Variants in MAD1L1 observed in about 807,000 individuals in gnomAD.
The protein encoded by MAD1L1 is mitotic spindle assembly checkpoint protein MAD1.
MAD1L1 carries 95 observed loss-of-function variants against 96.9 expected under a neutral mutation model. That is an observed-to-expected ratio of 0.98 (90% CI 0.83 to 1.16). MAD1L1 has a LOEUF of 1.16. MAD1L1 is among the 50% of genes most tolerant of loss of function. The pLI is 0.00. For missense variants in MAD1L1, 1,007 were observed against 954.4 expected, an observed-to-expected ratio of 1.06 and a Z score of -0.73; for synonymous variants, 473 against 396.6, an observed-to-expected ratio of 1.19 and a Z score of -2.29.
intron 10 of MAD1L1, among the ~76,000 whole-genome samples, chr7:2,186,454 GT>G (rs1196633916): frequency 2.3e-4 from 35 of 152,336 alleles, no homozygotes; most frequent in African/African-American, 8.2e-4. Flanking sequence ...CATTTGTTAT[GT>G]ACGTAAGACG....
chr7:1,939,084 GGC>G (rs1472549016), intron 16 of MAD1L1, among the ~76,000 whole-genome samples: 1 of 116,202 alleles, frequency 8.6e-6, no homozygotes, highest in Non-Finnish European at 1.7e-5. Flanking sequence ...CGGGACCAGA[GGC>G]GCGCACACAC....
chr7:1,987,425 G>A (rs1781202327), intron 14 of MAD1L1, among the ~76,000 whole-genome samples: 1 of 152,224 alleles, frequency 6.6e-6, no homozygotes, highest in Non-Finnish European at 1.5e-5. Context: ...GAACGGGGAG[G>A]TACTGGGGCG....
At chr7:1,954,994 G>A (rs962674181) in intron 16 of MAD1L1, among the ~76,000 whole-genome samples, 1 of 152,178 alleles carries the variant, frequency 6.6e-6, no homozygotes, top group African/African-American at 2.4e-5. Context: ...GCCCAGTGAC[G>A]GCCCTCCCAG....
Position 2,094,762 on chromosome 7 carries a change from TCCAA to T in MAD1L1, c.1074-25428_1074-25425del, listed in dbSNP as rs576291647. Reference sequence around the variant, plus strand: ...GTGCAAAGCAGCAAGGGGGAAGGACTCCAACCAACGAAACCACATGACCCATCTA... The same window carrying T: ...GTGCAAAGCAGCAAGGGGGAAGGACTCCAACGAAACCACATGACCCATCTA... On this transcript the variant is annotated intron_variant, in intron 11 of 18. Coordinates refer to ENST00000265854, the MANE Select transcript of MAD1L1 (RefSeq NM_001013836.2). 1.2e-3 allele frequency among the ~76,000 whole-genome samples: 171 copies of T among 145,564 alleles called. 1 individual carries two copies. The highest frequency in any genetic ancestry group is 4.4e-3 in the African/African-American group (164 of 37,354).
intron 10 of MAD1L1, among the ~76,000 whole-genome samples, chr7:2,156,216 G>A (rs1461659955): frequency 6.7e-6 from 1 of 150,322 alleles, no homozygotes; most frequent in Non-Finnish European, 1.5e-5. Flanking sequence ...ACGGTTTCAC[G>A]GCGCGTGTGG....
intron 11 of MAD1L1, among the ~76,000 whole-genome samples, chr7:2,109,882 T>C (rs1450528816): frequency 1.3e-5 from 2 of 152,258 alleles, no homozygotes; most frequent in Admixed American, 6.5e-5. Flanking sequence ...GTTTGGGTAC[T>C]TTCTGAACAC....
intron 11 of MAD1L1, among the ~76,000 whole-genome samples, chr7:2,090,421 C>T (rs1239583436): frequency 6.6e-6 from 1 of 152,176 alleles, no homozygotes; most frequent in African/African-American, 2.4e-5. Context: ...ACTAGGTGTA[C>T]AGAAAAGTTG....
intron 18 of MAD1L1, among the ~76,000 whole-genome samples, chr7:1,859,135 G>T (rs185418399): frequency 6.6e-6 from 1 of 152,096 alleles, no homozygotes; most frequent in Non-Finnish European, 1.5e-5. Context: ...CCCACACGCA[G>T]GAGGGCCAGA....
chr7:1,902,228 T>C (rs1438862523), intron 17 of MAD1L1, among the ~76,000 whole-genome samples: 1 of 152,124 alleles, frequency 6.6e-6, no homozygotes, highest in Non-Finnish European at 1.5e-5. Flanking sequence ...TAAAAATAAA[T>C]TGTGCTCCAT....
chr7:1,866,075 G>T (rs1242217152), intron 18 of MAD1L1, among the ~76,000 whole-genome samples: 3 of 152,246 alleles, frequency 2.0e-5, no homozygotes, highest in Non-Finnish European at 4.4e-5. Context: ...GTCCATGTCA[G>T]AGACCACGAG....
chr7:2,018,092 C>T (rs1782623654), intron 12 of MAD1L1, among the ~76,000 whole-genome samples: 1 of 152,300 alleles, frequency 6.6e-6, no homozygotes, highest in South Asian at 2.1e-4. Context: ...TGGGCAGAGA[C>T]CGGCCCCGTG....
chr7:1,902,064 G>A (rs1787279646), intron 17 of MAD1L1, among the ~76,000 whole-genome samples: 1 of 152,190 alleles, frequency 6.6e-6, no homozygotes, highest in Non-Finnish European at 1.5e-5. Context: ...CAGAGAGGAT[G>A]CAGCGGCGGC....
chr7:1,824,151 C>A (rs1782269597), intron 18 of MAD1L1, among the ~76,000 whole-genome samples: 1 of 152,122 alleles, frequency 6.6e-6, no homozygotes, highest in Non-Finnish European at 1.5e-5. Context: ...CCAGCACACA[C>A]CCTCAACAGA....
At chr7:1,839,734 T>C (rs1783140852) in intron 18 of MAD1L1, among the ~76,000 whole-genome samples, 1 of 150,794 alleles carries the variant, frequency 6.6e-6, no homozygotes, top group African/African-American at 2.4e-5. Context: ...AGTTAGAACA[T>C]CCCCCCCGCC....
At chr7:2,113,334 C>T (rs1584352639) in intron 11 of MAD1L1, among the ~76,000 whole-genome samples, 1 of 152,322 alleles carries the variant, frequency 6.6e-6, no homozygotes, top group South Asian at 2.1e-4. Flanking sequence ...AATCCCAGCG[C>T]TTTGGGAGGC....
At chr7:1,871,207 C>T (rs1373771183) in intron 18 of MAD1L1, among the ~76,000 whole-genome samples, 2 of 138,226 alleles carry the variant, frequency 1.4e-5, no homozygotes, top group Admixed American at 7.3e-5. Flanking sequence ...GCTGAACCCA[C>T]CGTAACACCT....
chr7:2,225,298 C>T, intron 4 of MAD1L1, 112 bp downstream of exon 4: 1 of 944,846 alleles, frequency 1.1e-6, no homozygotes, highest in Non-Finnish European at 1.6e-6. Context: ...CATGCACAGC[C>T]CCCTTGCTCC....
intron 14 of MAD1L1, among the ~76,000 whole-genome samples, chr7:1,982,352 G>A (rs933813285): frequency 6.6e-6 from 1 of 152,096 alleles, no homozygotes; most frequent in Non-Finnish European, 1.5e-5. Context: ...GGGATTACAG[G>A]TGCACGCCAT....
chr7:2,132,103 T>A (rs1037463976), intron 11 of MAD1L1, among the ~76,000 whole-genome samples: 2 of 152,212 alleles, frequency 1.3e-5, no homozygotes, highest in Non-Finnish European at 2.9e-5. Context: ...ATCTGACCCC[T>A]GGGACAGCTC....
Sources: gnomAD v4.1 joint callset for allele counts (sites outside exome capture counted in the v4.1 genomes callset) on GRCh38, gnomAD v4.1.1 for gene constraint, MANE v1.5 for transcripts, NCBI Gene and HGNC (gene_info 2026-07-23, HGNC 2026-07-21) for gene names.